Variants in FANCA observed in about 807,000 individuals in gnomAD.
FANCA encodes Fanconi anemia group A protein.
In FANCA, 236 loss-of-function variants were observed where a neutral mutation model predicts 194.3. That is an observed-to-expected ratio of 1.21 (90% CI 1.09 to 1.35). The LOEUF (loss-of-function observed/expected upper bound fraction) is 1.35. Ranked by LOEUF, FANCA falls within the 40% of genes most tolerant of loss-of-function variation. FANCA has a pLI of 0.00. For synonymous variants in FANCA, 1,014 were observed against 715.8 expected, an observed-to-expected ratio of 1.42 and a Z score of -6.65; for missense variants, 2,628 against 1,813.9, an observed-to-expected ratio of 1.45 and a Z score of -8.15.
chr16:89,791,207 G>C (rs939733370), intron 14 of FANCA, 196 bp downstream of exon 14: 1 of 686,326 alleles, frequency 1.5e-6, no homozygotes, highest in South Asian at 1.7e-5. Flanking sequence ...TGCAGAGGAA[G>C]ATCCGCTGAG....
chr16:89,785,851 G>GT (rs1598142247), intron 14 of FANCA, among the ~76,000 whole-genome samples: 1 of 91,706 alleles, frequency 1.1e-5, no homozygotes. Flanking sequence ...GTGCAAAATT[G>GT]TGTTTTGTTT....
chr16:89,770,490 G>C (rs2039285928), intron 24 of FANCA, 74 bp downstream of exon 24: 3 of 1,379,198 alleles, frequency 2.2e-6, no homozygotes, highest in African/African-American at 1.4e-5. Context: ...TGAGTCCCTG[G>C]TCTGCAGACT....
Position 89,812,350 on chromosome 16 carries a change from C to CA in FANCA, c.284-1280dup, listed in dbSNP as rs974209566. 3.1e-3 allele frequency among the ~76,000 whole-genome samples: 458 copies of CA among 145,588 alleles called. 5 individuals carry two copies. Among genetic ancestry groups the CA allele is most frequent in the African/African-American group, 0.011 (435 of 39,558 alleles). The stretch of plus-strand genomic sequence containing the variant: ...CAGACTTCATCTCAAAAAAACAAAA[C>CA]AAAAAAAAACTGGAGGCCAGGCTCA... On this transcript the variant is annotated intron_variant, in intron 3 of 42. Coordinates refer to ENST00000389301, the MANE Select transcript of FANCA (RefSeq NM_000135.4).
chr16:89,814,265 C>T (rs1472308076), intron 3 of FANCA, among the ~76,000 whole-genome samples: 4 of 152,124 alleles, frequency 2.6e-5, no homozygotes, highest in Non-Finnish European at 4.4e-5. Context: ...TTGCTATGTC[C>T]CATGTTTTTC....
intron 27 of FANCA, among the ~76,000 whole-genome samples, chr16:89,765,697 G>A (rs554658340): frequency 2.0e-5 from 3 of 152,270 alleles, no homozygotes; most frequent in Admixed American, 2.0e-4. Context: ...TGCCCCCGAG[G>A]AGATGAGAGC....
chr16:89,755,382 T>A (rs567076208), intron 30 of FANCA, among the ~76,000 whole-genome samples: 250 of 151,760 alleles, frequency 1.6e-3, no homozygotes, highest in African/African-American at 5.9e-3. Flanking sequence ...CCTGGCTAGT[T>A]TTTGTATTTT....
rs1414036004 is a variant in FANCA, at chr16:89,743,753, G to A, written c.3627-815C>T. On this transcript the variant is annotated intron_variant, in intron 36 of 42. Coordinates refer to ENST00000389301, the MANE Select transcript of FANCA (RefSeq NM_000135.4). ...CAGGAGGATCGCTTGAACCTGGGAG[G>A]CGGAGGTCATGGTGAGCCGAGATCG... Among the ~76,000 whole-genome samples, 3 of 152,230 alleles carry A rather than the reference G, an allele frequency of 2.0e-5. No individual in the cohort carries two copies. In the East Asian group the frequency reaches 5.8e-4, roughly 30 times the overall value.
At chr16:89,757,913 T>A in intron 30 of FANCA, among the ~76,000 whole-genome samples, 1 of 152,222 alleles carries the variant, frequency 6.6e-6, no homozygotes, top group African/African-American at 2.4e-5. Context: ...AGTCTTGCTC[T>A]GTCGCCCAGT....
intron 8 of FANCA, among the ~76,000 whole-genome samples, 177 bp downstream of exon 8, chr16:89,803,082 G>A (rs2040512263): frequency 6.6e-6 from 1 of 152,102 alleles, no homozygotes; most frequent in South Asian, 2.1e-4. Context: ...TGGAGGTGAC[G>A]GAGACTCTAA....
chr16:89,751,369 G>T (rs2377043), intron 31 of FANCA, among the ~76,000 whole-genome samples: 64,938 of 151,878 alleles, frequency 0.43, 15,321 homozygotes, highest in East Asian at 0.76. Flanking sequence ...GCGCACACAG[G>T]TGCACGCTGT....
At chr16:89,761,420 GAAAAAA>G (rs56659330) in intron 29 of FANCA, among the ~76,000 whole-genome samples, 1 of 95,720 alleles carries the variant, frequency 1.0e-5, no homozygotes, top group African/African-American at 3.7e-5. Context: ...CTCTGTCTCA[GAAAAAA>G]AAAAAAAAAA....
Position 89,779,008 on chromosome 16 carries a change from AAC to A in FANCA, c.1716-7_1716-6del, listed in dbSNP as rs1252205510. On this transcript the variant is annotated splice_polypyrimidine_tract_variant and splice_region_variant and intron_variant, in intron 18 of 42. Coordinates refer to ENST00000389301, the MANE Select transcript of FANCA (RefSeq NM_000135.4). Reference sequence around the variant, plus strand: ...TAGTAAGGCCTCCTGAATATGCTGCAACACAGAGAAGCAGACAGTGCATCAGT... The same window carrying A: ...TAGTAAGGCCTCCTGAATATGCTGCAACAGAGAAGCAGACAGTGCATCAGT... The A allele has an allele frequency of 1.2e-6, 2 of 1,613,016 alleles. No individual in the cohort carries two copies. The highest frequency in any genetic ancestry group is 2.2e-5 in the East Asian group (1 of 44,902).
chr16:89,745,281 T>C (rs553388292), intron 35 of FANCA, among the ~76,000 whole-genome samples: 7 of 152,206 alleles, frequency 4.6e-5, no homozygotes, highest in Non-Finnish European at 7.4e-5. Context: ...ATGGAAGACG[T>C]GGAATTTGGA....
chr16:89,739,009 G>A (rs573170442), intron 41 of FANCA, 35 bp from the exon 42 acceptor site: 3 of 1,614,096 alleles, frequency 1.9e-6, no homozygotes, highest in South Asian at 2.2e-5. Context: ...CAGGTTAGAA[G>A]ACATACAGAA....
At chr16:89,757,169 C>G (rs2038794983) in intron 30 of FANCA, among the ~76,000 whole-genome samples, 1 of 151,948 alleles carries the variant, frequency 6.6e-6, no homozygotes, top group Admixed American at 6.6e-5. Flanking sequence ...GACGGTTTCA[C>G]CAGGCTGGTC....
intron 18 of FANCA, among the ~76,000 whole-genome samples, chr16:89,779,613 C>T (rs1004540085): frequency 1.3e-5 from 2 of 152,228 alleles, no homozygotes; most frequent in African/African-American, 2.4e-5. Context: ...GACCTCACCC[C>T]GTATCCCTTA....
At chr16:89,779,243 G>C (rs1018740342) in intron 18 of FANCA, among the ~76,000 whole-genome samples, 1 of 152,134 alleles carries the variant, frequency 6.6e-6, no homozygotes, top group African/African-American at 2.4e-5. Flanking sequence ...CTTGAACGTG[G>C]AGCCTGGATC....
At chr16:89,745,130 C>T (rs915469959) in intron 35 of FANCA, 59 bp from the exon 36 acceptor site, 94 of 1,481,748 alleles carry the variant, frequency 6.3e-5, no homozygotes, top group South Asian at 3.1e-4. Flanking sequence ...ACCTCCGCTG[C>T]CCCAGCCATG....
intron 22 of FANCA, 81 bp downstream of exon 22, chr16:89,773,190 A>G (rs1598115980): frequency 5.6e-6 from 6 of 1,070,566 alleles, no homozygotes; most frequent in Non-Finnish European, 8.3e-6. Flanking sequence ...TGATGTCACT[A>G]TGGGGAAAAT....
Sources: gnomAD v4.1 joint callset for allele counts (sites outside exome capture counted in the v4.1 genomes callset) on GRCh38, gnomAD v4.1.1 for gene constraint, MANE v1.5 for transcripts, NCBI Gene and HGNC (gene_info 2026-07-23, HGNC 2026-07-21) for gene names.